The following GFRA2 variants were observed in gnomAD, a reference collection of about 807,000 sequenced individuals.
The protein encoded by GFRA2 is GDNF family receptor alpha-2.
GFRA2 carries 17 observed loss-of-function variants against 48.3 expected under a neutral mutation model. The ratio of observed to expected loss-of-function variants is 0.35; its 90% CI spans 0.24 to 0.53. The LOEUF (loss-of-function observed/expected upper bound fraction) is 0.53, where lower values mean the gene tolerates loss of function less well. Ranked by LOEUF, GFRA2 falls within the 20% of genes least tolerant of loss-of-function variation. GFRA2 has a pLI of 0.93. For synonymous variants in GFRA2, 305 were observed against 257.2 expected (o/e 1.19, Z -1.78); for missense variants, 660 against 637.3 (o/e 1.04, Z -0.38).
intron 4 of GFRA2, among the ~76,000 whole-genome samples, chr8:21,746,332 A>G (rs1456513061): frequency 6.6e-6 from 1 of 152,186 alleles, no homozygotes; most frequent in Non-Finnish European, 1.5e-5. Context: ...TGCTCGTGCC[A>G]GACTCTTCCT....
chr8:21,715,644 A>G (rs547481238), intron 4 of GFRA2, among the ~76,000 whole-genome samples: 1 of 151,862 alleles, frequency 6.6e-6, no homozygotes, highest in East Asian at 1.9e-4. Context: ...CTGGGAAGCC[A>G]CGGCACCCCT....
intron 2 of GFRA2, among the ~76,000 whole-genome samples, chr8:21,800,852 A>G (rs1807757428): frequency 6.6e-6 from 1 of 151,872 alleles, no homozygotes; most frequent in Non-Finnish European, 1.5e-5. Flanking sequence ...CTTGAGCCCA[A>G]AAATTCCAGG....
intron 7 of GFRA2, among the ~76,000 whole-genome samples, chr8:21,696,561 G>A (rs761109409): frequency 5.9e-5 from 9 of 152,152 alleles, no homozygotes; most frequent in Admixed American, 1.3e-4. Context: ...GGTTACACCC[G>A]AGGTCAGCCC....
At chr8:21,775,207 T>G (rs1806636521) in intron 2 of GFRA2, among the ~76,000 whole-genome samples, 152 bp from the exon 3 acceptor site, 2 of 151,982 alleles carry the variant, frequency 1.3e-5, no homozygotes, top group Non-Finnish European at 2.9e-5. Flanking sequence ...AAGTGAAGAG[T>G]GCAGGACCAG....
chr8:21,707,111 G>T (rs1490794078), intron 4 of GFRA2, among the ~76,000 whole-genome samples: 1 of 152,210 alleles, frequency 6.6e-6, no homozygotes, highest in Non-Finnish European at 1.5e-5. Flanking sequence ...AATAAGGTCT[G>T]TTCACGGGCC....
At chr8:21,727,527 T>A (rs1313713395) in intron 4 of GFRA2, among the ~76,000 whole-genome samples, 1 of 152,006 alleles carries the variant, frequency 6.6e-6, no homozygotes, top group East Asian at 1.9e-4. Flanking sequence ...GGACACCACC[T>A]CCCCATCACG....
chr8:21,718,847 A>G (rs1002913810), intron 4 of GFRA2, among the ~76,000 whole-genome samples: 13 of 152,116 alleles, frequency 8.5e-5, no homozygotes, highest in Admixed American at 4.6e-4. Context: ...CCTAGCCACA[A>G]AGCCAGTGGG....
Position 21,738,181 on chromosome 8 carries a change from TTCCTCCTCCTCCCCC to T in GFRA2, c.794+12392_794+12406del, listed in dbSNP as rs1418589736. ...TCCCCCTCCTCATCCCCCTCCCCCG[TTCCTCCTCCTCCCCC>T]TCCTCCTCCTCCCCCTCCTCCTCCT... On this transcript the variant is annotated intron_variant, in intron 4 of 8. Coordinates refer to ENST00000524240, the MANE Select transcript of GFRA2 (RefSeq NM_001495.5). Among the ~76,000 whole-genome samples the T allele has an allele frequency of 4.8e-3, 54 of 11,302 alleles. 1 individual carries two copies. In the South Asian group the frequency reaches 0.055, roughly 12 times the overall value. The allele number at this position is 11,302 out of a possible 152,430, so 7.4% of individuals were successfully genotyped here.
chr8:21,749,007 A>G (rs1805143468), intron 4 of GFRA2, among the ~76,000 whole-genome samples: 1 of 152,190 alleles, frequency 6.6e-6, no homozygotes, highest in Non-Finnish European at 1.5e-5. Context: ...AGGATATGGC[A>G]GATGCCCCTC....
chr8:21,727,769 C>A lies in GFRA2; in HGVS notation c.795-21728G>T, dbSNP rs140951169. On this transcript the variant is annotated intron_variant, in intron 4 of 8. Transcript: ENST00000524240. The stretch of plus-strand genomic sequence containing the variant: ...CCAATCATCTGTCCTCTCCTTACCA[C>A]CGCGGTCTCTCCGCAATGACAGCCC... 4.3e-3 allele frequency among the ~76,000 whole-genome samples: 657 copies of A among 152,364 alleles called. 4 individuals are homozygous for A. Among genetic ancestry groups the A allele is most frequent in the African/African-American group, 0.015 (642 of 41,598 alleles).
chr8:21,789,519 G>C (rs1244317808), upstream of GFRA2, among the ~76,000 whole-genome samples: 1 of 152,136 alleles, frequency 6.6e-6, no homozygotes, highest in Non-Finnish European at 1.5e-5. Context: ...CCCTCCGTGG[G>C]CTAAGGCGTC....
chr8:21,761,412 C>G (rs1563253491), intron 3 of GFRA2, among the ~76,000 whole-genome samples: 1 of 152,332 alleles, frequency 6.6e-6, no homozygotes, highest in East Asian at 1.9e-4. Flanking sequence ...CCAGAAAAAG[C>G]AGAGACCCTG....
chr8:21,790,569 A>G (rs1807547953), upstream of GFRA2, among the ~76,000 whole-genome samples: 1 of 152,180 alleles, frequency 6.6e-6, no homozygotes, highest in Non-Finnish European at 1.5e-5. Flanking sequence ...AAGCACAGAG[A>G]GCGAGTCTCC....
upstream of GFRA2, among the ~76,000 whole-genome samples, chr8:21,789,847 G>A (rs1807506240): frequency 6.6e-6 from 1 of 152,000 alleles, no homozygotes. Flanking sequence ...TCGGAGGCCG[G>A]CAAACCTGCC....
At chr8:21,798,603 T>A (rs1426145155) in intron 2 of GFRA2, among the ~76,000 whole-genome samples, 1 of 152,182 alleles carries the variant, frequency 6.6e-6, no homozygotes, top group Non-Finnish European at 1.5e-5. Context: ...GGGACAAGGA[T>A]GATCAAATGA....
rs769244434 is a variant in GFRA2, at chr8:21,693,330, G to C, written c.1343C>G (p.Pro448Arg). ...AGACAGCACGGTCAAGGCAGCCGAC[G>C]GTCTGGCTCTGCTGGGGCCTGAGTT... ...KPNSGPSRARPSAALTVLSVL... is the reference protein window; with the variant it reads ...KPNSGPSRARRSAALTVLSVL... The change falls in exon 9 of 9, where the codon CCG (proline) becomes CGG (arginine). Residue 448 changes from proline to arginine, a missense_variant. Coordinates refer to ENST00000524240, the MANE Select transcript of GFRA2 (RefSeq NM_001495.5). The C allele has an allele frequency of 1.2e-6, 2 of 1,613,460 alleles. No homozygotes were observed. The highest frequency in any genetic ancestry group is 1.7e-6 in the Non-Finnish European group (2 of 1,179,692).
At chr8:21,776,867 C>A (rs1806732643) in intron 2 of GFRA2, among the ~76,000 whole-genome samples, 1 of 152,152 alleles carries the variant, frequency 6.6e-6, no homozygotes, top group Admixed American at 6.5e-5. Flanking sequence ...CTCCACCCCA[C>A]CTACTGGCAC....
chr8:21,695,218 C>T (rs1455585283), intron 7 of GFRA2, among the ~76,000 whole-genome samples: 1 of 152,168 alleles, frequency 6.6e-6, no homozygotes, highest in African/African-American at 2.4e-5. Flanking sequence ...GGTGTGGCCA[C>T]CTGGATGCAG....
At position 21,691,816 on chromosome 8, in the gene GFRA2, C is replaced by T. The variant is rs1328135664; in HGVS notation, c.*1462G>A. Reference sequence around the variant, plus strand: ...CAGCGTGGACCCTCAGATCCCGCCCCCAGTGTCAAACCAGCTCCTAAGAGA... The same window carrying T: ...CAGCGTGGACCCTCAGATCCCGCCCTCAGTGTCAAACCAGCTCCTAAGAGA... On this transcript the variant is annotated 3_prime_UTR_variant, in exon 9 of 9. Coordinates refer to ENST00000524240, the MANE Select transcript of GFRA2 (RefSeq NM_001495.5). 6.6e-6 allele frequency: 1 copy of T among 152,454 alleles called. No individual in the cohort carries two copies. The highest frequency in any genetic ancestry group is 1.5e-5 in the Non-Finnish European group (1 of 68,162). The allele number at this position is 152,454 out of a possible 1,614,324, so 9.4% of individuals were successfully genotyped here. A position where few individuals can be genotyped will look rare whatever the true frequency, so the allele number is the denominator to read the frequency against.
Sources: gnomAD v4.1 joint callset for allele counts (sites outside exome capture counted in the v4.1 genomes callset) on GRCh38, gnomAD v4.1.1 for gene constraint, MANE v1.5 for transcripts, NCBI Gene and HGNC (gene_info 2026-07-23, HGNC 2026-07-21) for gene names.